Variants in VAV1 observed in about 807,000 individuals in gnomAD.
VAV1 encodes the protein proto-oncogene vav.
A neutral mutation model predicts 128.1 loss-of-function variants in VAV1; 33 were observed. That is an observed-to-expected ratio of 0.26 (90% CI 0.20 to 0.34). VAV1 has a LOEUF of 0.34. Ranked by LOEUF, VAV1 falls within the 10% of genes least tolerant of loss-of-function variation. The pLI is 1.00. For missense variants in VAV1, 715 were observed against 1,093.7 expected, an observed-to-expected ratio of 0.65 and a Z score of 4.88; for synonymous variants, 394 against 409.8, an observed-to-expected ratio of 0.96 and a Z score of 0.47.
At chr19:6,789,398 GC>G (rs918663466) in intron 1 of VAV1, among the ~76,000 whole-genome samples, 4 of 151,704 alleles carry the variant, frequency 2.6e-5, no homozygotes, top group African/African-American at 9.7e-5. Flanking sequence ...GACTATAGGT[GC>G]CCACCACCAT....
chr19:6,818,617 A>T (rs164020), intron 1 of VAV1, among the ~76,000 whole-genome samples: 67,873 of 151,932 alleles, frequency 0.45, 15,319 homozygotes, highest in Non-Finnish European at 0.46. Context: ...AGAATGTGGC[A>T]GTATTTGGAT....
At chr19:6,812,854 A>G (rs1599646027) in intron 1 of VAV1, among the ~76,000 whole-genome samples, 1 of 151,980 alleles carries the variant, frequency 6.6e-6, no homozygotes, top group East Asian at 1.9e-4. Flanking sequence ...TGATGATGAT[A>G]AGAATGGTGA....
intron 23 of VAV1, among the ~76,000 whole-genome samples, chr19:6,850,466 A>T (rs1046430920): frequency 6.6e-6 from 1 of 151,376 alleles, no homozygotes; most frequent in Non-Finnish European, 1.5e-5. Flanking sequence ...GTCAGGGAAG[A>T]TGATTCCTCT....
At chr19:6,783,558 C>T (rs774589117) in intron 1 of VAV1, among the ~76,000 whole-genome samples, 56 of 149,006 alleles carry the variant, frequency 3.8e-4, no homozygotes, top group African/African-American at 9.7e-4. Context: ...CAGTGCATCA[C>T]GGCAACCTCC....
chr19:6,818,410 C>T (rs931854019), intron 1 of VAV1, among the ~76,000 whole-genome samples: 2 of 152,198 alleles, frequency 1.3e-5, no homozygotes, highest in Admixed American at 6.5e-5. Flanking sequence ...CCTATCCTCC[C>T]CTCTTCTTCC....
chr19:6,806,768 A>G (rs1264920024), intron 1 of VAV1, among the ~76,000 whole-genome samples: 1 of 152,214 alleles, frequency 6.6e-6, no homozygotes, highest in Non-Finnish European at 1.5e-5. Flanking sequence ...CTGGGGGTGG[A>G]GCCCCTCTCA....
intron 1 of VAV1, among the ~76,000 whole-genome samples, chr19:6,812,073 A>G (rs1053082307): frequency 4.6e-5 from 7 of 152,362 alleles, no homozygotes; most frequent in African/African-American, 1.7e-4. Context: ...GGCCAGAAGC[A>G]GTCACATGAC....
intron 1 of VAV1, among the ~76,000 whole-genome samples, chr19:6,795,917 TCGTGATCCGCC>T (rs1971122472): frequency 6.6e-6 from 1 of 152,102 alleles, no homozygotes; most frequent in East Asian, 1.9e-4. Context: ...ACTCCTGACC[TCGTGATCCGCC>T]CGTCTCAGCC....
At chr19:6,833,424 C>T (rs1664940346) in intron 16 of VAV1, 104 bp from the exon 17 acceptor site, 3 of 1,396,694 alleles carry the variant, frequency 2.1e-6, no homozygotes, top group South Asian at 2.7e-5. Flanking sequence ...CGTCACTCTC[C>T]TGATCTAAAG....
chr19:6,823,462 A>G (rs1199529717), intron 6 of VAV1, among the ~76,000 whole-genome samples: 1 of 150,984 alleles, frequency 6.6e-6, no homozygotes, highest in East Asian at 1.9e-4. Context: ...TCATTATTTA[A>G]AGATATATAT....
intron 1 of VAV1, among the ~76,000 whole-genome samples, chr19:6,811,582 T>C (rs756166968): frequency 6.6e-6 from 1 of 152,108 alleles, no homozygotes; most frequent in Admixed American, 6.6e-5. Flanking sequence ...ATATTGGAGA[T>C]GGGCCTTGAA....
rs1208318266 is a variant in VAV1, at chr19:6,804,167, T to C, written c.205-16535T>C. Among the ~76,000 whole-genome samples the C allele has an allele frequency of 2.0e-5, 3 of 151,808 alleles. No homozygotes were observed. In the East Asian group the frequency reaches 5.9e-4, roughly 30 times the overall value. ...AATAGTGGATACCCATCATCATACA[T>C]GTGTCCAAATCCAGAGAATGTGACG... On this transcript the variant is annotated intron_variant, in intron 1 of 26. Transcript: ENST00000602142.
In VAV1 at chr19:6,828,496, G is replaced by T. The variant is rs1971973117; in HGVS notation, c.1092+9G>T. 10 of 1,614,156 alleles carry T rather than the reference G, an allele frequency of 6.2e-6. No homozygotes were observed. The highest frequency in any genetic ancestry group is 8.5e-6 in the Non-Finnish European group (10 of 1,180,022). ...CCCTGGATGCCATGAGGGTGAGTGG[G>T]TGTAGGGTGCTGGTGACTCACCTGC... On this transcript the variant is annotated intron_variant, in intron 11 of 26. Transcript: ENST00000602142. The surrounding 1 kb of genome is among the most constrained non-coding windows in gnomAD (Gnocchi z 4.5).
intron 1 of VAV1, among the ~76,000 whole-genome samples, chr19:6,776,575 C>CCCACTCATCCGTCCAT (rs1970647733): frequency 7.0e-6 from 1 of 143,232 alleles, no homozygotes; most frequent in Non-Finnish European, 1.5e-5. Flanking sequence ...CACTCATTCA[C>CCCACTCATCCGTCCAT]CCACTCATCC....
At chr19:6,783,181 A>AAAAAAC (rs990710016) in intron 1 of VAV1, among the ~76,000 whole-genome samples, 9 of 152,354 alleles carry the variant, frequency 5.9e-5, no homozygotes, top group Admixed American at 2.0e-4. Context: ...TCCGTCTCAA[A>AAAAAAC]AAAAACAAAA....
At chr19:6,850,162 AT>A (rs966134895) in intron 23 of VAV1, among the ~76,000 whole-genome samples, 4 of 113,360 alleles carry the variant, frequency 3.5e-5, no homozygotes, top group African/African-American at 1.3e-4. Flanking sequence ...GAGCTCAGCA[AT>A]TTTTTTCTCA....
At chr19:6,784,141 C>A in intron 1 of VAV1, 1 of 531,642 alleles carries the variant, frequency 1.9e-6, no homozygotes, top group South Asian at 2.8e-5. Context: ...ATAGTCTCAG[C>A]TACTCAGGAA....
chr19:6,853,093 G>C lies in VAV1; in HGVS notation c.2332+14G>C. 2 of 1,609,416 alleles carry C rather than the reference G, an allele frequency of 1.2e-6. No homozygotes were observed. Among genetic ancestry groups the C allele is most frequent in the East Asian group, 2.2e-5 (1 of 44,672 alleles). ...GCAGGCCAGCAGGTAGGAGGTCTCA[G>C]ACTGGGGGCTTACAGCCTCAGCCCC... is the stretch of plus-strand genomic sequence containing the variant. On this transcript the variant is annotated intron_variant, in intron 25 of 26. Transcript: ENST00000602142.
intron 24 of VAV1, among the ~76,000 whole-genome samples, chr19:6,850,998 T>C (rs916333887): frequency 1.3e-5 from 2 of 152,144 alleles, no homozygotes; most frequent in African/African-American, 4.8e-5. Context: ...ATTTTATTTA[T>C]ACATATATTC....
Sources: allele counts gnomAD v4.1 joint callset (sites outside exome capture counted in the v4.1 genomes callset), GRCh38; gene constraint gnomAD v4.1.1; non-coding constraint Gnocchi (gnomAD v3.1); transcripts MANE v1.5; gene names NCBI Gene and HGNC (gene_info 2026-07-23, HGNC 2026-07-21).